The following GPC6 variants were observed in gnomAD, a reference collection of about 807,000 sequenced individuals.
GPC6 encodes glypican-6.
In GPC6, 14 loss-of-function variants were observed where a neutral mutation model predicts 55.2. That is an observed-to-expected ratio of 0.25 (90% CI 0.17 to 0.40). The LOEUF is 0.40. Ranked by LOEUF, GPC6 falls within the 10% of genes least tolerant of loss-of-function variation. The pLI, the probability that GPC6 is intolerant of heterozygous loss-of-function variation, is 1.00. For missense variants in GPC6, 641 were observed against 708.5 expected, an observed-to-expected ratio of 0.90 and a Z score of 1.08; for synonymous variants, 278 against 259.6, an observed-to-expected ratio of 1.07 and a Z score of -0.68.
intron 2 of GPC6, among the ~76,000 whole-genome samples, chr13:93,789,538 CAGTT>C (rs1885936147): frequency 9.8e-6 from 1 of 102,278 alleles, no homozygotes; most frequent in Non-Finnish European, 1.9e-5. Context: ...TATATATAGT[CAGTT>C]AATATAGGGA....
intron 3 of GPC6, among the ~76,000 whole-genome samples, chr13:93,916,617 C>T (rs924732235): frequency 2.0e-5 from 3 of 152,146 alleles, no homozygotes; most frequent in Non-Finnish European, 4.4e-5. Context: ...CAGACTTCCA[C>T]TATGAAAGCA....
chr13:93,841,481 A>G (rs1014305028), intron 3 of GPC6, among the ~76,000 whole-genome samples: 11 of 152,154 alleles, frequency 7.2e-5, no homozygotes, highest in African/African-American at 2.7e-4. Flanking sequence ...CACAAACACA[A>G]TGGGTCAATC....
At chr13:94,272,583 C>T (rs1197139398) in intron 4 of GPC6, among the ~76,000 whole-genome samples, 2 of 150,664 alleles carry the variant, frequency 1.3e-5, no homozygotes, top group South Asian at 2.1e-4. Flanking sequence ...ATTCTCTTGC[C>T]TCAGCCTCCC....
intron 2 of GPC6, among the ~76,000 whole-genome samples, chr13:93,666,356 G>A (rs1193207441): frequency 6.6e-6 from 1 of 151,422 alleles, no homozygotes; most frequent in Non-Finnish European, 1.5e-5. Context: ...AAAAAAAAAA[G>A]GTCAAATGAA....
At chr13:94,077,719 G>A (rs1884965126) in intron 4 of GPC6, among the ~76,000 whole-genome samples, 1 of 151,734 alleles carries the variant, frequency 6.6e-6, no homozygotes. Flanking sequence ...CTGCATTTAT[G>A]GAGATGATAA....
At chr13:93,694,734 C>G (rs1882388576) in intron 2 of GPC6, among the ~76,000 whole-genome samples, 1 of 152,128 alleles carries the variant, frequency 6.6e-6, no homozygotes, top group Non-Finnish European at 1.5e-5. Flanking sequence ...ACCTTTAGGT[C>G]CTACTCTCAG....
chr13:94,205,377 C>G (rs376057064), intron 4 of GPC6, among the ~76,000 whole-genome samples: 1 of 152,242 alleles, frequency 6.6e-6, no homozygotes, highest in South Asian at 2.1e-4. Flanking sequence ...ATTTTTGCAG[C>G]CAGTATTGAC....
intron 2 of GPC6, among the ~76,000 whole-genome samples, chr13:93,566,934 C>T (rs937034400): frequency 1.3e-4 from 20 of 152,038 alleles, no homozygotes; most frequent in East Asian, 1.9e-4. Context: ...ATGGTGTATA[C>T]GTGCCACATT....
At chr13:93,244,161 TAA>T (rs1380439248) in intron 1 of GPC6, among the ~76,000 whole-genome samples, 2 of 152,056 alleles carry the variant, frequency 1.3e-5, no homozygotes, top group African/African-American at 4.8e-5. Context: ...TTTCGCTGCA[TAA>T]AAGAGTCCAC....
chr13:93,253,240 A>C (rs1876845894), intron 1 of GPC6, among the ~76,000 whole-genome samples: 1 of 152,218 alleles, frequency 6.6e-6, no homozygotes. Flanking sequence ...TAGTTTAAAA[A>C]GTCAGGCCTA....
At chr13:94,290,946 C>T (rs1874928141) in intron 5 of GPC6, among the ~76,000 whole-genome samples, 1 of 152,192 alleles carries the variant, frequency 6.6e-6, no homozygotes, top group Non-Finnish European at 1.5e-5. Flanking sequence ...AATCCCTGCA[C>T]TTTGGGAGGC....
intron 3 of GPC6, among the ~76,000 whole-genome samples, chr13:93,870,708 C>G (rs1055600935): frequency 6.6e-6 from 1 of 151,814 alleles, no homozygotes; most frequent in Non-Finnish European, 1.5e-5. Context: ...AGGACACACA[C>G]ACACACGGAA....
At position 94,250,766 on chromosome 13, in the gene GPC6, A is replaced by G. The variant is rs376993219; in HGVS notation, c.878-35583A>G. ...GCAGTGGGGTTGTAGATAAAACAAG[A>G]TTGGCCGTGAGTGGGTAATTGATTA... On this transcript the variant is annotated intron_variant, in intron 4 of 8. Coordinates refer to ENST00000377047, the MANE Select transcript of GPC6 (RefSeq NM_005708.5). Among the ~76,000 whole-genome samples the G allele has an allele frequency of 1.1e-4, 17 of 152,246 alleles. No homozygotes were observed. The East Asian group carries it at 3.1e-3, about 28-fold the overall frequency.
chr13:94,138,342 A>G (rs1887258861), intron 4 of GPC6, among the ~76,000 whole-genome samples: 1 of 152,194 alleles, frequency 6.6e-6, no homozygotes, highest in Non-Finnish European at 1.5e-5. Context: ...TAATCACCTC[A>G]CAGCCCTTGT....
At chr13:93,366,637 T>C (rs1488528336) in intron 1 of GPC6, among the ~76,000 whole-genome samples, 1 of 152,060 alleles carries the variant, frequency 6.6e-6, no homozygotes, top group Non-Finnish European at 1.5e-5. Flanking sequence ...TTGCAATACT[T>C]TTTGGGGAGT....
At chr13:94,291,914 C>G (rs1025832206) in intron 5 of GPC6, among the ~76,000 whole-genome samples, 1 of 151,966 alleles carries the variant, frequency 6.6e-6, no homozygotes, top group Non-Finnish European at 1.5e-5. Context: ...ATAACTTTTT[C>G]CTCTAGGATA....
chr13:94,133,219 T>C (rs942427406), intron 4 of GPC6, among the ~76,000 whole-genome samples: 1 of 148,374 alleles, frequency 6.7e-6, no homozygotes, highest in Admixed American at 6.8e-5. Context: ...GATTCCCATG[T>C]TTGTGAACCA....
rs191549110 is a variant in GPC6 at position 93,800,685 on chromosome 13, T to C, written c.320-29469T>C. ...TGAGAATGTGGCCTATAAAACTGATTATGTTTTTGCAAGTTATTCCATCTG... is the reference window on the plus strand; with the variant it reads ...TGAGAATGTGGCCTATAAAACTGATCATGTTTTTGCAAGTTATTCCATCTG... On this transcript the variant is annotated intron_variant, in intron 2 of 8. Transcript: ENST00000377047. Among the ~76,000 whole-genome samples the C allele has an allele frequency of 1.1e-4, 17 of 152,318 alleles. No homozygotes were observed. The East Asian group carries it at 1.5e-3, about 14-fold the overall frequency.
chr13:94,372,916 A>G (rs61962218), intron 6 of GPC6, among the ~76,000 whole-genome samples: 6,004 of 152,084 alleles, frequency 0.039, 151 homozygotes, highest in Middle Eastern at 0.054. Context: ...CCTGACCCCC[A>G]AGCAGCCTAA....
Sources: gnomAD v4.1 joint callset for allele counts (sites outside exome capture counted in the v4.1 genomes callset) on GRCh38, gnomAD v4.1.1 for gene constraint, MANE v1.5 for transcripts, NCBI Gene and HGNC (gene_info 2026-07-23, HGNC 2026-07-21) for gene names.